SLC35E1: variants seen among roughly 807,000 people sequenced by gnomAD.
The protein encoded by SLC35E1 is solute carrier family 35 member E1, also known as solute carrier family 35, member E1.
SLC35E1 carries 12 observed loss-of-function variants against 31.0 expected under a neutral mutation model. The observed-to-expected ratio is 0.39, with a 90% CI of 0.25 to 0.63. The LOEUF is 0.63. SLC35E1 is among the 20% of genes least tolerant of loss of function. The pLI is 0.52. For missense variants in SLC35E1, 429 were observed against 572.2 expected (o/e 0.75, Z 2.55); for synonymous variants, 257 against 264.1 (o/e 0.97, Z 0.26).
intron 4 of SLC35E1, chr19:16,565,012 C>T (rs1406724810): frequency 2.3e-6 from 1 of 434,602 alleles, no homozygotes; most frequent in Non-Finnish European, 4.6e-6. Context: ...AGCTAGACCA[C>T]ATTAAGACCT....
Position 16,571,908 on chromosome 19 carries a change from CCGGCCGCCGCCCCCGAGGCCGGGCG to C in SLC35E1, c.421+11_421+35del. The C allele has an allele frequency of 6.6e-7, 1 of 1,525,396 alleles. No individual in the cohort carries two copies. Among genetic ancestry groups the C allele is most frequent in the African/African-American group, 1.4e-5 (1 of 71,882 alleles). 94.5% of individuals were successfully genotyped at this position (1,525,396 alleles called of 1,614,324 possible). A position where few individuals can be genotyped will look rare whatever the true frequency, so the allele number is the denominator to read the frequency against. The stretch of plus-strand genomic sequence containing the variant: ...TGCGCCCAAACCCGAAGCGGCGGGC[CCGGCCGCCGCCCCCGAGGCCGGGCG>C]CGGAACCTACCGGTGTGTGCATAGG... On this transcript the variant is annotated intron_variant, in intron 1 of 5. Transcript: ENST00000595753.
rs1481565276 is a variant in SLC35E1 at position 16,572,341 on chromosome 19, C to G, written c.24G>C (p.Ala8=). 11 of 1,068,360 alleles carry G rather than the reference C, an allele frequency of 1.0e-5. No homozygotes were observed. The East Asian group carries it at 7.7e-4, about 75-fold the overall frequency. 66.2% of individuals were successfully genotyped at this position (1,068,360 alleles called of 1,614,324 possible). A position where few individuals can be genotyped will look rare whatever the true frequency, so the allele number is the denominator to read the frequency against. The part of the protein sequence containing the change: MAAAAVG[A]GHGAGGPGAA... ...CGCCCGGGCCCCCCGCGCCGTGGCC[C>G]GCGCCCACCGCGGCCGCCGCCATCC... Residue 8 remains alanine (A), a synonymous_variant, in exon 1 of 6, where the codon GCG becomes GCC. Transcript: ENST00000595753. The surrounding 1 kb of genome is among the most constrained non-coding windows in gnomAD (Gnocchi z 4.1).
Position 16,566,435 on chromosome 19 carries a change from A to C in SLC35E1, c.756+97T>G. ...GCGCTGGCTGTCAGGTGCCCAAAAGATACCACAATGTTAACATGCAGCTAC... is the reference window on the plus strand; with the variant it reads ...GCGCTGGCTGTCAGGTGCCCAAAAGCTACCACAATGTTAACATGCAGCTAC... On this transcript the variant is annotated intron_variant, in intron 4 of 5. Coordinates refer to ENST00000595753, the MANE Select transcript of SLC35E1 (RefSeq NM_024881.5). 2.8e-5 allele frequency: 44 copies of C among 1,549,410 alleles called. 1 individual carries two copies. In the South Asian group the frequency reaches 4.8e-4, roughly 17 times the overall value.
chr19:16,565,127 C>T lies in SLC35E1; in HGVS notation c.756+1405G>A, dbSNP rs73928618. ...TCATTTATAACACATTCTCTGAAGG[C>T]AGACCCTGCAGGTGGCAAAAAGATT... On this transcript the variant is annotated intron_variant, in intron 4 of 5. Coordinates refer to ENST00000595753, the MANE Select transcript of SLC35E1 (RefSeq NM_024881.5). 5.8e-3 allele frequency: 2,635 copies of T among 456,680 alleles called. 60 individuals are homozygous for T. Among genetic ancestry groups the T allele is most frequent in the African/African-American group, 0.048 (2,413 of 50,188 alleles). The allele number at this position is 456,680 out of a possible 1,614,324, so 28.3% of individuals were successfully genotyped here.
Position 16,572,398 on chromosome 19 carries a change from G to C in SLC35E1, c.-34C>G, listed in dbSNP as rs1244795785. On this transcript the variant is annotated 5_prime_UTR_variant, in exon 1 of 6. Transcript: ENST00000595753. The surrounding 1 kb of genome is among the most constrained non-coding windows in gnomAD (Gnocchi z 4.1). ...AGCGGCCGCCCCTTCCAGCCCGTCC[G>C]ACGGCCCGACGCCGGGCGGGGGCGG... 3 of 989,340 alleles carry C rather than the reference G, an allele frequency of 3.0e-6. No homozygotes were observed. The East Asian group carries it at 3.3e-4, about 110-fold the overall frequency. 61.3% of individuals were successfully genotyped at this position (989,340 alleles called of 1,614,324 possible).
At chr19:16,557,036 G>C (rs893083532) in intron 4 of SLC35E1, 4 of 469,760 alleles carry the variant, frequency 8.5e-6, no homozygotes, top group African/African-American at 6.0e-5. Context: ...TCTCCCAGGG[G>C]TCGCTCCCTA....
Position 16,555,096 on chromosome 19 carries a change from C to T in SLC35E1, c.1002+56G>A. The T allele has an allele frequency of 1.9e-6, 3 of 1,606,760 alleles. No homozygotes were observed. The highest frequency in any genetic ancestry group is 2.6e-6 in the Non-Finnish European group (3 of 1,176,452). On this transcript the variant is annotated intron_variant, in intron 5 of 5. Coordinates refer to ENST00000595753, the MANE Select transcript of SLC35E1 (RefSeq NM_024881.5). The surrounding 1 kb of genome is among the most constrained non-coding windows in gnomAD (Gnocchi z 4.1). Reference sequence around the variant, plus strand: ...GCCCGGGAGGCCCTTCCTTTTCTGACTTCCTGGGTGTTGGGGGGCCGGCTT... The same window carrying T: ...GCCCGGGAGGCCCTTCCTTTTCTGATTTCCTGGGTGTTGGGGGGCCGGCTT...
At chr19:16,561,966 T>C (rs1209262485) in intron 4 of SLC35E1, among the ~76,000 whole-genome samples, 1 of 151,890 alleles carries the variant, frequency 6.6e-6, no homozygotes, top group Non-Finnish European at 1.5e-5. Flanking sequence ...GGCGGGAGGA[T>C]GGCTTAAGGC....
rs1019033684 is a variant in SLC35E1, at chr19:16,553,532, G to A, written c.*147C>T. 2.9e-6 allele frequency: 2 copies of A among 698,146 alleles called. No individual in the cohort carries two copies. Among genetic ancestry groups the A allele is most frequent in the Non-Finnish European group, 4.3e-6 (2 of 463,222 alleles). 43.2% of individuals were successfully genotyped at this position (698,146 alleles called of 1,614,324 possible). A position where few individuals can be genotyped will look rare whatever the true frequency, so the allele number is the denominator to read the frequency against. ...GCAACGCATCCTCCTGCGGCTCACG[G>A]GGGGCCAGGAACCCCAGGGCTTCTG... On this transcript the variant is annotated 3_prime_UTR_variant, in exon 6 of 6. Transcript: ENST00000595753.
At chr19:16,559,011 A>C (rs2085890894) in intron 4 of SLC35E1, among the ~76,000 whole-genome samples, 1 of 151,308 alleles carries the variant, frequency 6.6e-6, no homozygotes. Flanking sequence ...CTTGTGATCC[A>C]TCTGCCTTGG....
intron 5 of SLC35E1, among the ~76,000 whole-genome samples, chr19:16,554,339 A>ATGG (rs1439563675): frequency 1.3e-5 from 2 of 151,986 alleles, no homozygotes; most frequent in African/African-American, 4.8e-5. Flanking sequence ...TGAGCAAGGA[A>ATGG]AGCAGACTTG....
chr19:16,571,598 TGGGC>T lies in SLC35E1; in HGVS notation c.422-20_422-17del. 1.2e-6 allele frequency: 2 copies of T among 1,613,494 alleles called. No homozygotes were observed. The highest frequency in any genetic ancestry group is 1.7e-6 in the Non-Finnish European group (2 of 1,179,892). On this transcript the variant is annotated splice_polypyrimidine_tract_variant and intron_variant, in intron 1 of 5. Transcript: ENST00000595753. ...GTGGCCTTGACTGCAAAGAGAGGGA[TGGGC>T]ACTCAGGGGGCTGCCTGAATTTCAG...
chr19:16,565,418 C>G (rs1387937546), intron 4 of SLC35E1: 2 of 276,260 alleles, frequency 7.2e-6, no homozygotes, highest in African/African-American at 4.5e-5. Context: ...CCATATTGGT[C>G]AGGCTGGTCT....
rs749199081 is a variant in SLC35E1, at chr19:16,555,349, C to T, written c.805G>A (p.Gly269Ser). The T allele has an allele frequency of 1.7e-5, 27 of 1,613,944 alleles. No homozygotes were observed. Among genetic ancestry groups the T allele is most frequent in the East Asian group, 4.5e-5 (2 of 44,894 alleles). ...ACATTCTGGGCAAAGTTACAGAAGCCGCTGACAGCCAGGAGCAGGAGCGTC... is the reference window on the plus strand; with the variant it reads ...ACATTCTGGGCAAAGTTACAGAAGCTGCTGACAGCCAGGAGCAGGAGCGTC... ...PWTLLLLAVS[G>S]FCNFAQNVIA... is the part of the protein sequence containing the mutation. Residue 269 changes from glycine to serine, a missense_variant, in exon 5 of 6, where the codon GGC becomes AGC. Physicochemically the swap from Gly to Ser is moderately conservative, Grantham distance 56. Coordinates refer to ENST00000595753, the MANE Select transcript of SLC35E1 (RefSeq NM_024881.5). This position sits in a 1 kb window ranked among gnomAD's most constrained non-coding sequence, Gnocchi z 4.1.
chr19:16,569,725 A>G (rs938702953), intron 2 of SLC35E1, among the ~76,000 whole-genome samples: 1 of 152,196 alleles, frequency 6.6e-6, no homozygotes, highest in Non-Finnish European at 1.5e-5. Flanking sequence ...ACGCGCCTGC[A>G]ATCCCGGCTA....
intron 2 of SLC35E1, among the ~76,000 whole-genome samples, 163 bp from the exon 3 acceptor site, chr19:16,568,332 GGGGGCAGGTGGTTATCAGAGCGCCA>G (rs2085941925): frequency 6.6e-6 from 1 of 152,202 alleles, no homozygotes; most frequent in Non-Finnish European, 1.5e-5. Context: ...GTGGGTGGCT[GGGGGCAGGTGGTTATCAGAGCGCCA>G]GGGGCAGGGC....
chr19:16,572,386 T>C lies in SLC35E1; in HGVS notation c.-22A>G, dbSNP rs2085965553. 1 of 994,666 alleles carries C rather than the reference T, an allele frequency of 1.0e-6. No homozygotes were observed. The highest frequency in any genetic ancestry group is 1.2e-6 in the Non-Finnish European group (1 of 836,452). The allele number at this position is 994,666 out of a possible 1,614,324, so 61.6% of individuals were successfully genotyped here. A position where few individuals can be genotyped will look rare whatever the true frequency, so the allele number is the denominator to read the frequency against. On this transcript the variant is annotated 5_prime_UTR_variant, in exon 1 of 6. Coordinates refer to ENST00000595753, the MANE Select transcript of SLC35E1 (RefSeq NM_024881.5). This position sits in a 1 kb window ranked among gnomAD's most constrained non-coding sequence, Gnocchi z 4.1. Reference sequence around the variant, plus strand: ...CCATCCTGCCCGAGCGGCCGCCCCTTCCAGCCCGTCCGACGGCCCGACGCC... The same window carrying C: ...CCATCCTGCCCGAGCGGCCGCCCCTCCCAGCCCGTCCGACGGCCCGACGCC...
At chr19:16,557,216 CAG>C (rs749339379) in intron 4 of SLC35E1, 40 of 312,012 alleles carry the variant, frequency 1.3e-4, no homozygotes, top group South Asian at 4.4e-4. Context: ...TTTTTTGAGA[CAG>C]AGTTTTGCTC....
rs543633035 is a variant in SLC35E1, at chr19:16,571,465, G to A, written c.492+47C>T. The stretch of plus-strand genomic sequence containing the variant: ...CACGTCACCAGTTGGCAACAGGGAG[G>A]AACCCCCTGGAGCTCCCATCTGCCC... On this transcript the variant is annotated intron_variant, in intron 2 of 5. Coordinates refer to ENST00000595753, the MANE Select transcript of SLC35E1 (RefSeq NM_024881.5). The A allele has an allele frequency of 1.6e-4, 261 of 1,593,838 alleles. 3 individuals carry two copies. In the South Asian group the frequency reaches 2.7e-3, roughly 17 times the overall value.
Sources: gnomAD v4.1 joint callset for allele counts (sites outside exome capture counted in the v4.1 genomes callset) on GRCh38, gnomAD v4.1.1 for gene constraint, Gnocchi (gnomAD v3.1) non-coding constraint, MANE v1.5 for transcripts, NCBI Gene and HGNC (gene_info 2026-07-23, HGNC 2026-07-21) for gene names.